The following SUGCT variants were observed in gnomAD, a reference collection of about 807,000 sequenced individuals.
The protein encoded by SUGCT is succinyl-CoA:glutarate CoA-transferase.
A neutral mutation model predicts 55.0 loss-of-function variants in SUGCT; 41 were observed. The observed-to-expected ratio is 0.74, with a 90% CI of 0.58 to 0.97. SUGCT has a LOEUF of 0.97. SUGCT is among the 50% of genes least tolerant of loss of function. SUGCT has a pLI of 0.00. For missense variants in SUGCT, 568 were observed against 547.8 expected, an observed-to-expected ratio of 1.04 and a Z score of -0.37; for synonymous variants, 187 against 200.4, an observed-to-expected ratio of 0.93 and a Z score of 0.56.
intron 8 of SUGCT, 148 bp downstream of exon 8, chr7:40,274,804 T>G: frequency 1.2e-6 from 1 of 818,432 alleles, no homozygotes; most frequent in Non-Finnish European, 1.9e-6. Context: ...GATGTACTTG[T>G]TTCTTTTCTT....
At chr7:40,452,443 G>A (rs775742820) in intron 10 of SUGCT, among the ~76,000 whole-genome samples, 3 of 152,006 alleles carry the variant, frequency 2.0e-5, no homozygotes, top group Non-Finnish European at 4.4e-5. Flanking sequence ...CCCCATTCCC[G>A]AACATTTTAC....
chr7:40,354,782 G>A (rs1199840258), intron 9 of SUGCT, among the ~76,000 whole-genome samples: 2 of 152,204 alleles, frequency 1.3e-5, no homozygotes, highest in Non-Finnish European at 2.9e-5. Context: ...AAATGTGAAA[G>A]CAAAGTAGTA....
intron 12 of SUGCT, among the ~76,000 whole-genome samples, chr7:40,603,767 A>T (rs544856379): frequency 6.6e-6 from 1 of 152,220 alleles, no homozygotes; most frequent in African/African-American, 2.4e-5. Flanking sequence ...ATGCCCTATC[A>T]TAATTAGTAA....
At chr7:40,908,633 C>T in the SUGCT span, among the ~76,000 whole-genome samples, 1 of 151,934 alleles carries the variant, frequency 6.6e-6, no homozygotes, top group Non-Finnish European at 1.5e-5. Context: ...TTTTCCTTAA[C>T]CTAGGAATTT....
intron 6 of SUGCT, among the ~76,000 whole-genome samples, chr7:40,200,838 A>C (rs1786552953): frequency 6.6e-6 from 1 of 152,274 alleles, no homozygotes; most frequent in East Asian, 1.9e-4. Context: ...AGTAGCTATA[A>C]AGATAATTTT....
At chr7:40,842,463 T>C (rs1188046460) in intron 13 of SUGCT, among the ~76,000 whole-genome samples, 1 of 152,190 alleles carries the variant, frequency 6.6e-6, no homozygotes, top group Non-Finnish European at 1.5e-5. Flanking sequence ...CTAAACAAAT[T>C]AAATTAAGGT....
intron 11 of SUGCT, among the ~76,000 whole-genome samples, chr7:40,467,092 C>T (rs563878799): frequency 6.7e-6 from 1 of 149,488 alleles, no homozygotes; most frequent in South Asian, 2.1e-4. Flanking sequence ...GTCCCAACAA[C>T]TTGGGAGACT....
chr7:40,206,473 G>A (rs546036059), intron 6 of SUGCT, among the ~76,000 whole-genome samples: 25 of 152,276 alleles, frequency 1.6e-4, no homozygotes, highest in Non-Finnish European at 3.2e-4. Context: ...GATTTTGATG[G>A]AATACCAGAT....
At chr7:40,284,010 T>C (rs758835750) in intron 8 of SUGCT, among the ~76,000 whole-genome samples, 4 of 152,160 alleles carry the variant, frequency 2.6e-5, no homozygotes, top group African/African-American at 4.8e-5. Context: ...ACAAGACATA[T>C]GAACCTGCAG....
At chr7:40,301,906 A>G (rs916086977) in intron 8 of SUGCT, among the ~76,000 whole-genome samples, 5 of 152,300 alleles carry the variant, frequency 3.3e-5, no homozygotes, top group Admixed American at 6.5e-5. Flanking sequence ...AAATTCCACT[A>G]AGAGAGCTTC....
chr7:40,323,196 C>T (rs1171720365), intron 9 of SUGCT, among the ~76,000 whole-genome samples: 1 of 152,076 alleles, frequency 6.6e-6, no homozygotes, highest in African/African-American at 2.4e-5. Flanking sequence ...TTGCAACAGT[C>T]CACCCTCTTC....
chr7:40,334,456 A>G (rs1796559142), intron 9 of SUGCT, among the ~76,000 whole-genome samples: 1 of 152,148 alleles, frequency 6.6e-6, no homozygotes, highest in Admixed American at 6.5e-5. Flanking sequence ...AACTGGTGGG[A>G]GATGGTATCT....
intron 12 of SUGCT, among the ~76,000 whole-genome samples, chr7:40,568,197 T>C (rs1267105023): frequency 6.6e-6 from 1 of 152,156 alleles, no homozygotes; most frequent in Non-Finnish European, 1.5e-5. Flanking sequence ...TTTGATTCAG[T>C]GGAAAGTTAG....
At chr7:40,441,352 G>A (rs1788504363) in intron 9 of SUGCT, among the ~76,000 whole-genome samples, 1 of 152,014 alleles carries the variant, frequency 6.6e-6, no homozygotes, top group Admixed American at 6.6e-5. Context: ...GGGTAAGGTT[G>A]GCTTTTTAAG....
intron 8 of SUGCT, among the ~76,000 whole-genome samples, chr7:40,283,076 C>A (rs1562643897): frequency 2.0e-5 from 3 of 151,734 alleles, no homozygotes; most frequent in Non-Finnish European, 4.4e-5. Flanking sequence ...GCAAAGGGAA[C>A]AATCAACAGA....
chr7:40,995,986 A>C, the SUGCT span, among the ~76,000 whole-genome samples: 1 of 152,226 alleles, frequency 6.6e-6, no homozygotes, highest in African/African-American at 2.4e-5. Context: ...CTGGTGTTCT[A>C]GCCCCCTGAA....
At chr7:40,696,359 A>G (rs1381588744) in intron 12 of SUGCT, among the ~76,000 whole-genome samples, 1 of 152,086 alleles carries the variant, frequency 6.6e-6, no homozygotes, top group African/African-American at 2.4e-5. Context: ...TCATTTCCTA[A>G]TGGAGCTGTG....
At chr7:40,585,591 T>C (rs1466715244) in intron 12 of SUGCT, among the ~76,000 whole-genome samples, 1 of 152,184 alleles carries the variant, frequency 6.6e-6, no homozygotes, top group Non-Finnish European at 1.5e-5. Flanking sequence ...CTGGCTGGTG[T>C]TGAACTCTTA....
At chr7:40,841,972 C>T (rs965852724) in intron 13 of SUGCT, among the ~76,000 whole-genome samples, 37 of 152,112 alleles carry the variant, frequency 2.4e-4, no homozygotes, top group Non-Finnish European at 4.4e-5. Context: ...TACTAATTAG[C>T]CCTTTTCACC....
Sources: allele counts gnomAD v4.1 joint callset (sites outside exome capture counted in the v4.1 genomes callset), GRCh38; gene constraint gnomAD v4.1.1; transcripts MANE v1.5; gene names NCBI Gene and HGNC (gene_info 2026-07-23, HGNC 2026-07-21).